TRIO: variants seen among roughly 807,000 people sequenced by gnomAD.
TRIO encodes trio Rho guanine nucleotide exchange factor.
Under a neutral mutation model 351.9 loss-of-function variants are expected in TRIO, and 58 were observed. The observed-to-expected ratio is 0.16, with a 90% confidence interval of 0.13 to 0.21. TRIO has a LOEUF of 0.21. Among genes scored for constraint, TRIO ranks in the 10% least tolerant of loss-of-function variants. The probability of loss-of-function intolerance (pLI) is 1.00; values close to 1 mark genes in which losing one functional copy is unlikely to be tolerated. For missense variants in TRIO, 3,201 were observed against 4,027.8 expected, an observed-to-expected ratio of 0.79 and a Z score of 5.56; for synonymous variants, 1,758 against 1,595.7, an observed-to-expected ratio of 1.10 and a Z score of -2.42.
chr5:14,336,057 A>G (rs1171948455), intron 10 of TRIO, among the ~76,000 whole-genome samples: 2 of 152,266 alleles, frequency 1.3e-5, no homozygotes, highest in African/African-American at 4.8e-5. Context: ...AATGTGTGAA[A>G]AGGGATAGCA....
intron 11 of TRIO, among the ~76,000 whole-genome samples, chr5:14,337,491 C>T (rs933027583): frequency 6.6e-6 from 1 of 152,192 alleles, no homozygotes; most frequent in African/African-American, 2.4e-5. Context: ...AGGATCGTAA[C>T]TTATTCAGAT....
intron 1 of TRIO, among the ~76,000 whole-genome samples, chr5:14,259,998 A>G (rs1027411610): frequency 1.3e-5 from 2 of 152,222 alleles, no homozygotes; most frequent in African/African-American, 4.8e-5. Flanking sequence ...AAGTAGATTA[A>G]CTGAAGTAAC....
intron 8 of TRIO, among the ~76,000 whole-genome samples, chr5:14,305,828 G>A (rs1738317196): frequency 6.6e-6 from 1 of 152,224 alleles, no homozygotes; most frequent in Non-Finnish European, 1.5e-5. Flanking sequence ...GTGATGGACT[G>A]CAAATAAGAC....
chr5:14,356,979 G>A (rs1743667645), intron 11 of TRIO, among the ~76,000 whole-genome samples: 1 of 152,206 alleles, frequency 6.6e-6, no homozygotes, highest in Non-Finnish European at 1.5e-5. Flanking sequence ...GCATGACAGA[G>A]GGCATCAGCC....
chr5:14,248,157 G>A (rs568754334), intron 1 of TRIO, among the ~76,000 whole-genome samples: 5 of 152,028 alleles, frequency 3.3e-5, no homozygotes, highest in Non-Finnish European at 7.4e-5. Context: ...AATGGGTCTT[G>A]TACCTCATGG....
chr5:14,305,185 T>C (rs1738251687), intron 8 of TRIO, among the ~76,000 whole-genome samples: 2 of 152,208 alleles, frequency 1.3e-5, no homozygotes, highest in Non-Finnish European at 2.9e-5. Flanking sequence ...CAGAGATAAA[T>C]GACTGCGCCA....
At chr5:14,398,171 A>G (rs929174243) in intron 29 of TRIO, among the ~76,000 whole-genome samples, 1 of 151,182 alleles carries the variant, frequency 6.6e-6, no homozygotes, top group African/African-American at 2.4e-5. Context: ...GAGTAAAAAG[A>G]GAGTGGAAGT....
At chr5:14,293,174 T>C (rs767563157) in intron 6 of TRIO, 40 bp downstream of exon 6, 6 of 1,612,812 alleles carry the variant, frequency 3.7e-6, no homozygotes, top group East Asian at 4.5e-5. Flanking sequence ...CATGTGACAG[T>C]GTTTTAGCAA....
chr5:14,319,730 A>T (rs73059538), intron 9 of TRIO, among the ~76,000 whole-genome samples: 5,430 of 152,336 alleles, frequency 0.036, 326 homozygotes, highest in African/African-American at 0.12. Flanking sequence ...GTAACCCCAG[A>T]GGAGTAAATG....
At chr5:14,241,365 A>G (rs913068825) in intron 1 of TRIO, among the ~76,000 whole-genome samples, 22 of 152,218 alleles carry the variant, frequency 1.4e-4, no homozygotes, top group Admixed American at 3.3e-4. Context: ...GTTAGGCAGA[A>G]GCTTCTGTAA....
Position 14,207,331 on chromosome 5 carries a change from C to T in TRIO, c.157+63449C>T, listed in dbSNP as rs1191014301. Reference sequence around the variant, plus strand: ...CAAGACTGTCTCTCACACACACACACACACACACACACACACACACACACA... The same window carrying T: ...CAAGACTGTCTCTCACACACACACATACACACACACACACACACACACACA... On this transcript the variant is annotated intron_variant, in intron 1 of 56. Coordinates refer to ENST00000344204, the MANE Select transcript of TRIO (RefSeq NM_007118.4). 1.5e-4 allele frequency among the ~76,000 whole-genome samples: 10 copies of T among 68,702 alleles called. 2 individuals are homozygous for T. Among genetic ancestry groups the T allele is most frequent in the African/African-American group, 3.5e-4 (6 of 16,984 alleles). The allele number at this position is 68,702 out of a possible 152,430, so 45.1% of individuals were successfully genotyped here. A position where few individuals can be genotyped will look rare whatever the true frequency, so the allele number is the denominator to read the frequency against.
intron 55 of TRIO, among the ~76,000 whole-genome samples, chr5:14,505,205 G>A (rs576262788): frequency 1.3e-5 from 2 of 152,218 alleles, no homozygotes; most frequent in Non-Finnish European, 2.9e-5. Flanking sequence ...CCACAGGAGC[G>A]GTTCTCATCT....
intron 34 of TRIO, among the ~76,000 whole-genome samples, chr5:14,437,059 C>G (rs911692726): frequency 1.3e-5 from 2 of 152,210 alleles, no homozygotes; most frequent in Non-Finnish European, 2.9e-5. Flanking sequence ...AGGCTTTATT[C>G]TAACCTTCTT....
intron 37 of TRIO, chr5:14,465,905 G>A: frequency 2.4e-6 from 1 of 411,610 alleles, no homozygotes; most frequent in South Asian, 3.0e-5. Flanking sequence ...GCATAGGGCA[G>A]GTCTCAGGGA....
At chr5:14,308,788 A>ACCACCCAAC (rs1459056529) in intron 8 of TRIO, among the ~76,000 whole-genome samples, 1 of 145,940 alleles carries the variant, frequency 6.9e-6, no homozygotes, top group Non-Finnish European at 1.5e-5. Context: ...TATCCAACCA[A>ACCACCCAAC]CCACCCATCC....
chr5:14,249,716 A>G (rs1794631522), intron 1 of TRIO, among the ~76,000 whole-genome samples: 1 of 152,122 alleles, frequency 6.6e-6, no homozygotes, highest in African/African-American at 2.4e-5. Context: ...AGAATTATGT[A>G]AAAATGAGCA....
At chr5:14,502,302 T>C (rs1238211826) in intron 53 of TRIO, among the ~76,000 whole-genome samples, 3 of 152,356 alleles carry the variant, frequency 2.0e-5, no homozygotes, top group Non-Finnish European at 4.4e-5. Flanking sequence ...TTTACTAACA[T>C]GTATTTAATT....
intron 18 of TRIO, among the ~76,000 whole-genome samples, chr5:14,369,920 C>G (rs745941893): frequency 6.6e-6 from 1 of 152,136 alleles, no homozygotes; most frequent in African/African-American, 2.4e-5. Context: ...AAGATTGCAT[C>G]TCAGAAGAGG....
rs747421070 is a variant in TRIO at position 14,487,891 on chromosome 5, C to T, written c.7263C>T (p.Gly2421=). Residue 2421 remains glycine (G), a synonymous_variant, in exon 48 of 57, where the codon GGC becomes GGT. Transcript: ENST00000344204. ...KMKVLESPRK[G]AANASGSSPD... ...AGGTGCTGGAGAGCCCCAGGAAAGG[C>T]GCCGCGAACGCCTCGGGGTCGAGCC... 4 of 1,538,746 alleles carry T rather than the reference C, an allele frequency of 2.6e-6. No homozygotes were observed. Among genetic ancestry groups the T allele is most frequent in the South Asian group, 2.4e-5 (2 of 83,212 alleles).
Sources: gnomAD v4.1 joint callset for allele counts (sites outside exome capture counted in the v4.1 genomes callset) on GRCh38, gnomAD v4.1.1 for gene constraint, MANE v1.5 for transcripts, NCBI Gene and HGNC (gene_info 2026-07-23, HGNC 2026-07-21) for gene names.